Variants in BIN1 observed in about 807,000 individuals in gnomAD.
The protein encoded by BIN1 is bridging integrator 1, also known as myc box-dependent-interacting protein 1.
In BIN1, 53 loss-of-function variants were observed where a neutral mutation model predicts 82.0. The observed-to-expected ratio is 0.65, with a 90% CI of 0.52 to 0.81. The LOEUF is 0.81. Among genes scored for constraint, BIN1 ranks in the 40% least tolerant of loss-of-function variants. The probability of loss-of-function intolerance (pLI) is 0.00; values close to 1 mark genes in which losing one functional copy is unlikely to be tolerated. For synonymous variants in BIN1, 302 were observed against 328.0 expected (o/e 0.92, Z 0.86); for missense variants, 642 against 784.4 (o/e 0.82, Z 2.17).
At chr2:127,066,964 G>A (rs953424004) in intron 7 of BIN1, among the ~76,000 whole-genome samples, 6 of 152,136 alleles carry the variant, frequency 3.9e-5, no homozygotes, top group Admixed American at 6.5e-5. Context: ...CCAGCTACTC[G>A]GGAGGCTGAG....
intron 1 of BIN1, among the ~76,000 whole-genome samples, chr2:127,106,106 G>T (rs964044371): frequency 1.3e-5 from 2 of 152,194 alleles, no homozygotes; most frequent in African/African-American, 2.4e-5. Flanking sequence ...CCTTCCACGC[G>T]CCTCCTCCAG....
chr2:127,094,422 C>G (rs1000550210), intron 1 of BIN1, among the ~76,000 whole-genome samples: 2 of 152,208 alleles, frequency 1.3e-5, no homozygotes, highest in Admixed American at 1.3e-4. Context: ...TTGAGACCAG[C>G]AAACAGGGTT....
At chr2:127,086,055 C>G (rs922964076) in intron 1 of BIN1, among the ~76,000 whole-genome samples, 65 of 152,344 alleles carry the variant, frequency 4.3e-4, no homozygotes, top group African/African-American at 1.5e-3. Context: ...AATCTCTCCT[C>G]CAAGGACTCA....
At chr2:127,050,671 C>T in intron 17 of BIN1, 131 bp downstream of exon 17, 1 of 1,336,592 alleles carries the variant, frequency 7.5e-7, no homozygotes, top group Non-Finnish European at 1.1e-6. Context: ...CAGATGCCAC[C>T]TTGCTGGCTG....
In BIN1 at chr2:127,052,316, G is replaced by C; in HGVS notation, c.1310C>G (p.Ala437Gly). The C allele has an allele frequency of 6.3e-7, 1 of 1,587,534 alleles. No homozygotes were observed. Among genetic ancestry groups the C allele is most frequent in the South Asian group, 1.1e-5 (1 of 87,106 alleles). ...GGACACAGCAAAGGTGCCCTCGGCA[G>C]CGCTGGGCTCCCCGGAAGGCAGGCT... is the stretch of plus-strand genomic sequence containing the variant. ...AGSLPSGEPS[A>G]AEGTFAVSWP... The change falls in exon 15 of 19, where the codon GCT becomes GGT. Residue 437 changes from alanine to glycine, a missense_variant. Physicochemically the swap from Ala to Gly is moderately conservative, Grantham distance 60. Coordinates refer to ENST00000316724, the MANE Select transcript of BIN1 (RefSeq NM_139343.3).
intron 7 of BIN1, among the ~76,000 whole-genome samples, chr2:127,066,764 G>C (rs2105034570): frequency 6.6e-6 from 1 of 152,314 alleles, no homozygotes; most frequent in South Asian, 2.1e-4. Context: ...TCAGGCAGCA[G>C]ATCAGGTGAG....
chr2:127,053,615 C>T lies in BIN1; in HGVS notation c.1240-170G>A, dbSNP rs1029810359. 2.5e-5 allele frequency: 22 copies of T among 889,422 alleles called. No homozygotes were observed. In the African/African-American group the frequency reaches 2.8e-4, roughly 11 times the overall value. 55.1% of individuals were successfully genotyped at this position (889,422 alleles called of 1,614,324 possible). A position where few individuals can be genotyped will look rare whatever the true frequency, so the allele number is the denominator to read the frequency against. ...CAAGATTTGCAGGTGGCCGAGCTCC[C>T]GACACCTCTCAGGGAGCTTCAAGAC... is the stretch of plus-strand genomic sequence containing the variant. On this transcript the variant is annotated intron_variant, in intron 13 of 18. Transcript: ENST00000316724.
intron 1 of BIN1, among the ~76,000 whole-genome samples, chr2:127,106,400 G>A (rs1482481637): frequency 1.3e-5 from 2 of 152,224 alleles, no homozygotes; most frequent in Non-Finnish European, 2.9e-5. Context: ...GAGTCCGGGG[G>A]AATAGTGTCC....
chr2:127,077,242 G>A (rs970961961), intron 1 of BIN1, among the ~76,000 whole-genome samples: 2 of 152,010 alleles, frequency 1.3e-5, no homozygotes, highest in African/African-American at 4.8e-5. Context: ...GCTGCCGGGG[G>A]CCACGCAGAG....
intron 1 of BIN1, among the ~76,000 whole-genome samples, chr2:127,087,762 C>T (rs1181381454): frequency 6.6e-6 from 1 of 152,194 alleles, no homozygotes; most frequent in Non-Finnish European, 1.5e-5. Context: ...AGAATCCGCA[C>T]ACGGCCCACC....
At chr2:127,081,274 G>A (rs1687264432) in intron 1 of BIN1, among the ~76,000 whole-genome samples, 2 of 152,196 alleles carry the variant, frequency 1.3e-5, no homozygotes, top group Admixed American at 1.3e-4. Context: ...AGTCACCAGG[G>A]CCGCCTCCTC....
chr2:127,104,487 T>A (rs563109675), intron 1 of BIN1, among the ~76,000 whole-genome samples: 2 of 152,116 alleles, frequency 1.3e-5, no homozygotes, highest in African/African-American at 2.4e-5. Flanking sequence ...CGGGCCCTTC[T>A]TCCTACGCCA....
intron 1 of BIN1, among the ~76,000 whole-genome samples, chr2:127,079,803 G>A (rs878952576): frequency 1.3e-5 from 2 of 152,200 alleles, no homozygotes; most frequent in Admixed American, 1.3e-4. Flanking sequence ...TCTGAGCTGT[G>A]GGCTTTGAGG....
At chr2:127,091,193 C>T (rs1678878121) in intron 1 of BIN1, among the ~76,000 whole-genome samples, 1 of 152,150 alleles carries the variant, frequency 6.6e-6, no homozygotes, top group African/African-American at 2.4e-5. Context: ...TAGATAGCGC[C>T]CACCCAGAAG....
chr2:127,062,851 G>A (rs1397092385), intron 9 of BIN1, among the ~76,000 whole-genome samples: 1 of 152,202 alleles, frequency 6.6e-6, no homozygotes, highest in Admixed American at 6.5e-5. Context: ...AGTTAAGAAG[G>A]AAAGAGAAAG....
At position 127,093,107 on chromosome 2, in the gene BIN1, G is replaced by A. The variant is rs544542271; in HGVS notation, c.84+13753C>T. Among the ~76,000 whole-genome samples the A allele has an allele frequency of 9.2e-5, 14 of 151,820 alleles. No individual in the cohort carries two copies. The highest frequency in any genetic ancestry group is 1.9e-4 in the East Asian group (1 of 5,166). ...GCTAGGGCTGTCCACAGAGAGAGGGGTCAGGGAGGGAGGGCGGAAGGGGAA... is the reference window on the plus strand; with the variant it reads ...GCTAGGGCTGTCCACAGAGAGAGGGATCAGGGAGGGAGGGCGGAAGGGGAA... On this transcript the variant is annotated intron_variant, in intron 1 of 18. Coordinates refer to ENST00000316724, the MANE Select transcript of BIN1 (RefSeq NM_139343.3). The surrounding 1 kb of genome is among the most constrained non-coding windows in gnomAD (Gnocchi z 5.7).
At chr2:127,103,205 C>A (rs1558892845) in intron 1 of BIN1, among the ~76,000 whole-genome samples, 1 of 152,176 alleles carries the variant, frequency 6.6e-6, no homozygotes, top group South Asian at 2.1e-4. Flanking sequence ...GGACCATGCA[C>A]CCACTCTCAG....
At chr2:127,098,907 G>A (rs1679940760) in intron 1 of BIN1, among the ~76,000 whole-genome samples, 1 of 152,188 alleles carries the variant, frequency 6.6e-6, no homozygotes, top group Non-Finnish European at 1.5e-5. Context: ...CCCCATTTGT[G>A]GGCACCAAGC....
At position 127,093,503 on chromosome 2, in the gene BIN1, A is replaced by G. The variant is rs1348973719; in HGVS notation, c.84+13357T>C. Among the ~76,000 whole-genome samples the G allele has an allele frequency of 6.6e-6, 1 of 152,162 alleles. No homozygotes were observed. Among genetic ancestry groups the G allele is most frequent in the African/African-American group, 2.4e-5 (1 of 41,436 alleles). ...TATGTGGGAGGAAGCCACACAACAC[A>G]GAGAGGCCGGAAAGAAGCCGAGCCG... is the stretch of plus-strand genomic sequence containing the variant. On this transcript the variant is annotated intron_variant, in intron 1 of 18. Coordinates refer to ENST00000316724, the MANE Select transcript of BIN1 (RefSeq NM_139343.3). The surrounding 1 kb of genome is among the most constrained non-coding windows in gnomAD (Gnocchi z 5.7).
Sources: gnomAD v4.1 joint callset for allele counts (sites outside exome capture counted in the v4.1 genomes callset) on GRCh38, gnomAD v4.1.1 for gene constraint, Gnocchi (gnomAD v3.1) non-coding constraint, MANE v1.5 for transcripts, NCBI Gene and HGNC (gene_info 2026-07-23, HGNC 2026-07-21) for gene names.